The following ZNRF1 variants were observed in gnomAD, a reference collection of about 807,000 sequenced individuals.
ZNRF1 encodes zinc and ring finger 1, also known as E3 ubiquitin-protein ligase ZNRF1.
A neutral mutation model predicts 18.4 loss-of-function variants in ZNRF1; 3 were observed. That is an observed-to-expected ratio of 0.16 (90% CI 0.07 to 0.42). The LOEUF is 0.42. ZNRF1 is among the 10% of genes least tolerant of loss of function. ZNRF1 has a pLI of 0.99. For synonymous variants in ZNRF1, 157 were observed against 144.2 expected (o/e 1.09, Z -0.64); for missense variants, 310 against 329.8 (o/e 0.94, Z 0.47).
At chr16:75,047,205 C>T (rs1446169372) in intron 1 of ZNRF1, among the ~76,000 whole-genome samples, 1 of 152,198 alleles carries the variant, frequency 6.6e-6, no homozygotes, top group Non-Finnish European at 1.5e-5. Flanking sequence ...TGGGGTCCCA[C>T]CCTGTTACTC....
At chr16:75,061,165 A>G (rs2035739298) in intron 1 of ZNRF1, among the ~76,000 whole-genome samples, 1 of 152,198 alleles carries the variant, frequency 6.6e-6, no homozygotes, top group Non-Finnish European at 1.5e-5. Flanking sequence ...ACACGAAACA[A>G]TTACACTCTT....
intron 2 of ZNRF1, among the ~76,000 whole-genome samples, chr16:75,096,832 G>T (rs997306135): frequency 6.6e-6 from 1 of 152,192 alleles, no homozygotes; most frequent in African/African-American, 2.4e-5. Flanking sequence ...AAGGCCTCCA[G>T]TAGCTGCCTG....
chr16:75,020,686 C>T (rs2035133769), intron 1 of ZNRF1, among the ~76,000 whole-genome samples: 2 of 151,810 alleles, frequency 1.3e-5, no homozygotes, highest in African/African-American at 4.8e-5. Flanking sequence ...GGACTACAGG[C>T]GCTCGCCACC....
At position 75,110,822 on chromosome 16, in the gene ZNRF1, G is replaced by A. The variant is rs1364945174; in HGVS notation, c.*3122G>A. ...AGGATTCTCGCCTGGAAGAGTGGGT[G>A]GCTGGCTGGCTGGCTGGAAGGGGAG... On this transcript the variant is annotated 3_prime_UTR_variant, in exon 5 of 5. Coordinates refer to ENST00000335325, the MANE Select transcript of ZNRF1 (RefSeq NM_032268.5). 6.6e-6 allele frequency: 1 copy of A among 152,146 alleles called. No homozygotes were observed. Among genetic ancestry groups the A allele is most frequent in the Non-Finnish European group, 1.5e-5 (1 of 68,164 alleles). The allele number at this position is 152,146 out of a possible 1,614,324, so 9.4% of individuals were successfully genotyped here.
chr16:75,021,291 G>A (rs778753987), intron 1 of ZNRF1, among the ~76,000 whole-genome samples: 9 of 152,024 alleles, frequency 5.9e-5, no homozygotes, highest in African/African-American at 1.2e-4. Flanking sequence ...CATCTGCCTC[G>A]GCCTCCCACG....
In ZNRF1 at chr16:74,999,639, C is replaced by T; in HGVS notation, c.-33C>T. 2.3e-6 allele frequency: 3 copies of T among 1,323,890 alleles called. No homozygotes were observed. The highest frequency in any genetic ancestry group is 2.9e-6 in the Non-Finnish European group (3 of 1,041,406). The allele number at this position is 1,323,890 out of a possible 1,614,324, so 82.0% of individuals were successfully genotyped here. ...GAGAAGTGGGGGAGGGTCTCGGCCT[C>T]CAGGTTCCCGCCCCACCGGGGCCCG... On this transcript the variant is annotated 5_prime_UTR_variant, in exon 1 of 5. Transcript: ENST00000335325.
At chr16:75,016,604 C>T (rs568583041) in intron 1 of ZNRF1, among the ~76,000 whole-genome samples, 6 of 151,870 alleles carry the variant, frequency 4.0e-5, no homozygotes, top group South Asian at 4.2e-4. Flanking sequence ...GGCCTGATCT[C>T]GACTGACTGC....
chr16:75,010,711 G>GTGTTTTTTT (rs1367958306), intron 1 of ZNRF1, among the ~76,000 whole-genome samples: 1 of 74,324 alleles, frequency 1.3e-5, no homozygotes, highest in African/African-American at 3.9e-5. Flanking sequence ...GTTTTTTTTT[G>GTGTTTTTTT]TTTTTTTGTT....
intron 1 of ZNRF1, among the ~76,000 whole-genome samples, chr16:75,056,519 G>A (rs1238793790): frequency 6.6e-6 from 1 of 152,200 alleles, no homozygotes; most frequent in Non-Finnish European, 1.5e-5. Flanking sequence ...AATGGAAACT[G>A]TATGTTTGGA....
chr16:75,079,521 C>T (rs2035984585), intron 1 of ZNRF1, among the ~76,000 whole-genome samples: 1 of 152,066 alleles, frequency 6.6e-6, no homozygotes. Context: ...ATCGGTCAGG[C>T]CCTCACAGCT....
intron 1 of ZNRF1, among the ~76,000 whole-genome samples, chr16:75,053,687 A>G (rs4613095): frequency 0.73 from 110,853 of 151,982 alleles, 43,139 homozygotes; most frequent in Non-Finnish European, 0.87. Context: ...GATGTGCCCC[A>G]TGCTGTAAAA....
intron 1 of ZNRF1, among the ~76,000 whole-genome samples, chr16:75,030,871 C>G (rs187911803): frequency 7.4e-6 from 1 of 135,964 alleles, no homozygotes; most frequent in Non-Finnish European, 1.5e-5. Flanking sequence ...GACGGAGCCT[C>G]GCTCTGTCAC....
At chr16:75,096,009 A>G (rs1245602188) in intron 2 of ZNRF1, among the ~76,000 whole-genome samples, 1 of 150,728 alleles carries the variant, frequency 6.6e-6, no homozygotes, top group Non-Finnish European at 1.5e-5. Flanking sequence ...TTGTCATGGA[A>G]TTGAGGGGCA....
chr16:75,016,222 C>T, intron 1 of ZNRF1, among the ~76,000 whole-genome samples: 1 of 151,446 alleles, frequency 6.6e-6, no homozygotes, highest in East Asian at 2.0e-4. Flanking sequence ...CGCGCCCGGC[C>T]GCTAATACTC....
intron 1 of ZNRF1, among the ~76,000 whole-genome samples, chr16:75,026,902 C>CAA (rs778668725): frequency 7.6e-6 from 1 of 132,364 alleles, no homozygotes. Flanking sequence ...GAGACTGTCT[C>CAA]AAAAAAAAAA....
chr16:75,102,061 T>C (rs1371370558), intron 2 of ZNRF1, among the ~76,000 whole-genome samples: 1 of 152,194 alleles, frequency 6.6e-6, no homozygotes, highest in Non-Finnish European at 1.5e-5. Context: ...GAGTGACTTC[T>C]CTCGCAACTC....
intron 1 of ZNRF1, among the ~76,000 whole-genome samples, chr16:75,057,820 T>C (rs1028040971): frequency 1.3e-5 from 2 of 152,140 alleles, no homozygotes; most frequent in Non-Finnish European, 2.9e-5. Context: ...ATTGTATTTT[T>C]AGTAGAGATG....
chr16:75,080,572 T>G (rs2035997575), intron 1 of ZNRF1, among the ~76,000 whole-genome samples: 1 of 152,150 alleles, frequency 6.6e-6, no homozygotes, highest in African/African-American at 2.4e-5. Context: ...CTGTATAGAT[T>G]CTCTGTGAAA....
chr16:75,026,431 G>C (rs1173519836), intron 1 of ZNRF1, among the ~76,000 whole-genome samples: 1 of 152,022 alleles, frequency 6.6e-6, no homozygotes, highest in Non-Finnish European at 1.5e-5. Flanking sequence ...TTTGGATGAC[G>C]TGTCATTTCC....
Sources: allele counts gnomAD v4.1 joint callset (sites outside exome capture counted in the v4.1 genomes callset), GRCh38; gene constraint gnomAD v4.1.1; transcripts MANE v1.5; gene names NCBI Gene and HGNC (gene_info 2026-07-23, HGNC 2026-07-21).